EMC3: variants seen among roughly 807,000 people sequenced by gnomAD.
The protein encoded by EMC3 is 30 kDa protein.
In EMC3, 13 loss-of-function variants were observed where a neutral mutation model predicts 36.6. The ratio of observed to expected loss-of-function variants is 0.35; its 90% CI spans 0.23 to 0.56. The LOEUF is 0.56. EMC3 is among the 20% of genes least tolerant of loss of function. The pLI, the probability that EMC3 is intolerant of heterozygous loss-of-function variation, is 0.84. For missense variants in EMC3, 220 were observed against 324.5 expected, an observed-to-expected ratio of 0.68 and a Z score of 2.47; for synonymous variants, 120 against 111.9, an observed-to-expected ratio of 1.07 and a Z score of -0.46.
upstream of EMC3, chr3:9,987,888 A>G (rs546949537): frequency 1.1e-5 from 9 of 851,236 alleles, no homozygotes; most frequent in East Asian, 2.5e-4. Context: ...CACCATAGCT[A>G]ATATTAACTT....
At chr3:9,987,480 G>C (rs1443890064), upstream of EMC3, among the ~76,000 whole-genome samples, 8 of 152,094 alleles carry the variant, frequency 5.3e-5, no homozygotes, top group Non-Finnish European at 1.2e-4. Context: ...CCCCCTTCCC[G>C]ATGAACTAGT....
intron 1 of EMC3, among the ~76,000 whole-genome samples, chr3:9,984,436 T>C (rs1434966448): frequency 3.5e-5 from 5 of 143,898 alleles, no homozygotes; most frequent in African/African-American, 1.3e-4. Context: ...GTCACCCAGG[T>C]TGAAGTGCAG....
At chr3:10,004,175 C>T (rs1179185787) in intron 1 of EMC3, 2 of 152,162 alleles carry the variant, frequency 1.3e-5, no homozygotes, top group Non-Finnish European at 2.9e-5. Context: ...TATTTTTCCC[C>T]AGTCTACTTT....
intron 7 of EMC3, among the ~76,000 whole-genome samples, chr3:9,965,827 T>C (rs572941336): frequency 6.6e-6 from 1 of 152,376 alleles, no homozygotes; most frequent in Admixed American, 6.5e-5. Flanking sequence ...CTCTTATTTA[T>C]AGCTGAATAA....
chr3:10,000,941 C>A, intron 1 of EMC3: 2 of 403,602 alleles, frequency 5.0e-6, no homozygotes, highest in South Asian at 1.8e-5. Context: ...TTCTCAACAT[C>A]ACTTGTATTT....
At chr3:9,992,748 T>C (rs1182271111) in intron 1 of EMC3, 1 of 661,988 alleles carries the variant, frequency 1.5e-6, no homozygotes, top group Non-Finnish European at 2.6e-6. Context: ...GTGTAGATAC[T>C]ACCAGGGGAG....
At chr3:9,978,470 T>C (rs2085873889) in intron 1 of EMC3, among the ~76,000 whole-genome samples, 1 of 152,056 alleles carries the variant, frequency 6.6e-6, no homozygotes, top group South Asian at 2.1e-4. Flanking sequence ...GAAAAGGCCC[T>C]TAAAGTAATG....
intron 1 of EMC3, chr3:10,000,817 AC>A (rs2086189618): frequency 2.0e-6 from 1 of 492,382 alleles, no homozygotes; most frequent in Admixed American, 2.1e-5. Context: ...AGAGAATCCA[AC>A]AGCCTGACCT....
intron 1 of EMC3, among the ~76,000 whole-genome samples, chr3:9,999,244 CTTTTTTT>C (rs60974972): frequency 7.1e-6 from 1 of 140,304 alleles, no homozygotes; most frequent in African/African-American, 2.6e-5. Flanking sequence ...TCAAATTTAT[CTTTTTTT>C]TTTTTTTTGG....
chr3:9,986,811 G>T lies in EMC3; in HGVS notation c.-150C>A. 4.2e-6 allele frequency: 6 copies of T among 1,431,824 alleles called. No individual in the cohort carries two copies. Among genetic ancestry groups the T allele is most frequent in the Non-Finnish European group, 4.6e-6 (5 of 1,090,752 alleles). The allele number at this position is 1,431,824 out of a possible 1,614,324, so 88.7% of individuals were successfully genotyped here. A position where few individuals can be genotyped will look rare whatever the true frequency, so the allele number is the denominator to read the frequency against. ...CCTGCGACTGTGAGCCGAGCTTACT[G>T]CCTTCAGCTGGGCTGCCTGGTCTTC... On this transcript the variant is annotated 5_prime_UTR_variant, in exon 1 of 8. Transcript: ENST00000245046.
upstream of EMC3, chr3:9,987,981 A>G: frequency 1.1e-6 from 1 of 932,696 alleles, no homozygotes; most frequent in Admixed American, 1.8e-5. Context: ...CTTTCCAAGT[A>G]AAGTTAAAAA....
chr3:9,986,858 C>A, upstream of EMC3: 1 of 1,375,002 alleles, frequency 7.3e-7, no homozygotes, highest in Non-Finnish European at 9.4e-7. Flanking sequence ...CGAACGTTGA[C>A]GTCACGTCGT....
intron 1 of EMC3, among the ~76,000 whole-genome samples, chr3:9,978,688 G>C (rs2085876488): frequency 6.6e-6 from 1 of 151,066 alleles, no homozygotes; most frequent in Non-Finnish European, 1.5e-5. Flanking sequence ...AAATTAGCCG[G>C]GTGTGGTGGC....
chr3:9,970,487 G>GT, intron 6 of EMC3, 95 bp downstream of exon 6: 2 of 1,321,410 alleles, frequency 1.5e-6, no homozygotes, highest in Non-Finnish European at 2.2e-6. Flanking sequence ...TTTGACTATG[G>GT]TAACAAACAG....
At chr3:9,969,854 C>A (rs1575673736) in intron 6 of EMC3, 53 bp from the exon 7 acceptor site, 1 of 1,600,584 alleles carries the variant, frequency 6.2e-7, no homozygotes, top group Non-Finnish European at 8.5e-7. Context: ...AGCACCCCAG[C>A]ACCCAAGGGG....
upstream of EMC3, among the ~76,000 whole-genome samples, chr3:9,991,236 A>G (rs1417251173): frequency 6.6e-6 from 1 of 152,182 alleles, no homozygotes; most frequent in Non-Finnish European, 1.5e-5. Flanking sequence ...TGCTGGGATT[A>G]TAGGCATGAG....
At chr3:10,003,347 C>A in intron 1 of EMC3, 2 of 380,036 alleles carry the variant, frequency 5.3e-6, no homozygotes, top group Admixed American at 3.4e-5. Flanking sequence ...ATGTTTTTGC[C>A]TGTGTCCACC....
intron 3 of EMC3, among the ~76,000 whole-genome samples, chr3:9,975,312 T>C (rs2085835405): frequency 6.6e-6 from 1 of 152,210 alleles, no homozygotes; most frequent in African/African-American, 2.4e-5. Context: ...TGCATGTTTA[T>C]GTGTTTCCGT....
chr3:9,969,590 T>C lies in EMC3; in HGVS notation c.657+129A>G, dbSNP rs772961602. On this transcript the variant is annotated intron_variant, in intron 7 of 7. Coordinates refer to ENST00000245046, the MANE Select transcript of EMC3 (RefSeq NM_001394674.1). ...TCAGGAAAGAGAGACGTGTAAACTATGTTTTTACTAAGTTTAAATTAAAAC... is the reference window on the plus strand; with the variant it reads ...TCAGGAAAGAGAGACGTGTAAACTACGTTTTTACTAAGTTTAAATTAAAAC... 9.7e-6 allele frequency: 15 copies of C among 1,543,128 alleles called. 1 individual carries two copies. In the South Asian group the frequency reaches 1.5e-4, roughly 16 times the overall value.
Sources: allele counts gnomAD v4.1 joint callset (sites outside exome capture counted in the v4.1 genomes callset), GRCh38; gene constraint gnomAD v4.1.1; transcripts MANE v1.5; gene names NCBI Gene and HGNC (gene_info 2026-07-23, HGNC 2026-07-21).